The following YLPM1 variants were observed in gnomAD, a reference collection of about 807,000 sequenced individuals.
The protein encoded by YLPM1 is YLP motif-containing protein 1.
In YLPM1, 99 loss-of-function variants were observed where a neutral mutation model predicts 230.0. The ratio of observed to expected loss-of-function variants is 0.43; its 90% CI spans 0.37 to 0.51. The LOEUF (loss-of-function observed/expected upper bound fraction) is 0.51. Ranked by LOEUF, YLPM1 falls within the 20% of genes least tolerant of loss-of-function variation. The pLI, the probability that YLPM1 is intolerant of heterozygous loss-of-function variation, is 0.00. For synonymous variants in YLPM1, 984 were observed against 942.5 expected, an observed-to-expected ratio of 1.04 and a Z score of -0.81; for missense variants, 2,592 against 2,707.7, an observed-to-expected ratio of 0.96 and a Z score of 0.95.
chr14:74,786,273 A>G (rs879696785), intron 4 of YLPM1, among the ~76,000 whole-genome samples: 13 of 150,816 alleles, frequency 8.6e-5, no homozygotes, highest in Non-Finnish European at 1.6e-4. Context: ...GAGGCAGGAG[A>G]ATTGCTTGAA....
In YLPM1 at chr14:74,763,393, C is replaced by G; in HGVS notation, c.-97C>G. The G allele has an allele frequency of 5.1e-6, 7 of 1,367,152 alleles. No individual in the cohort carries two copies. The highest frequency in any genetic ancestry group is 5.7e-6 in the Non-Finnish European group (6 of 1,050,914). 84.7% of individuals were successfully genotyped at this position (1,367,152 alleles called of 1,614,324 possible). On this transcript the variant is annotated 5_prime_UTR_variant, in exon 1 of 21. Coordinates refer to ENST00000325680, the MANE Select transcript of YLPM1 (RefSeq NM_019589.3). The stretch of plus-strand genomic sequence containing the variant: ...TTACACGCTCCGGGGCCTGTAGGCG[C>G]CGCGAGTTCCGGCTGTCGCCGTCGC...
rs753359815 is a variant in YLPM1, at chr14:74,802,637, A to G, written c.4482A>G (p.Ser1494=). 5.6e-6 allele frequency: 9 copies of G among 1,613,270 alleles called. No homozygotes were observed. Among genetic ancestry groups the G allele is most frequent in the South Asian group, 1.1e-5 (1 of 90,916 alleles). The part of the protein sequence containing the change: ...QMADHLPPQE[S]RLQNTSSRPG... Reference sequence around the variant, plus strand: ...CTGACCATCTACCACCTCAGGAATCAAGATTGCAGAATACATCTTCAAGAC... The same window carrying G: ...CTGACCATCTACCACCTCAGGAATCGAGATTGCAGAATACATCTTCAAGAC... The change falls in exon 6 of 21, where the codon TCA becomes TCG. Residue 1494 remains serine, a synonymous_variant. Transcript: ENST00000325680.
At chr14:74,809,253 C>T (rs906535953) in intron 6 of YLPM1, 127 bp from the exon 7 acceptor site, 30 of 1,301,082 alleles carry the variant, frequency 2.3e-5, no homozygotes, top group African/African-American at 7.7e-5. Context: ...TTTTGAAGCA[C>T]GAAATTTTGA....
Position 74,763,352 on chromosome 14 carries a change from C to T in YLPM1, c.-138C>T, listed in dbSNP as rs951679267. The T allele has an allele frequency of 4.6e-6, 5 of 1,095,352 alleles. No individual in the cohort carries two copies. The highest frequency in any genetic ancestry group is 4.1e-5 in the Admixed American group (1 of 24,106). The allele number at this position is 1,095,352 out of a possible 1,614,324, so 67.9% of individuals were successfully genotyped here. A position where few individuals can be genotyped will look rare whatever the true frequency, so the allele number is the denominator to read the frequency against. On this transcript the variant is annotated 5_prime_UTR_variant, in exon 1 of 21. Coordinates refer to ENST00000325680, the MANE Select transcript of YLPM1 (RefSeq NM_019589.3). ...CGGGCCCAGCTCGGGAGCGCCGGCG[C>T]ACTGGCGCGCTCCGTTTACACGCTC...
At chr14:74,786,742 C>T (rs1366707080) in intron 4 of YLPM1, among the ~76,000 whole-genome samples, 1 of 152,046 alleles carries the variant, frequency 6.6e-6, no homozygotes, top group Admixed American at 6.6e-5. Context: ...TGCTGTGTGT[C>T]TTTTGATGCT....
chr14:74,825,544 A>G (rs2091554964), intron 18 of YLPM1, among the ~76,000 whole-genome samples: 1 of 152,178 alleles, frequency 6.6e-6, no homozygotes, highest in Non-Finnish European at 1.5e-5. Context: ...ATGCAATTAA[A>G]TATGTAGGAA....
At chr14:74,785,134 T>C (rs566492838) in intron 4 of YLPM1, among the ~76,000 whole-genome samples, 47 of 152,344 alleles carry the variant, frequency 3.1e-4, no homozygotes, top group Admixed American at 5.9e-4. Context: ...GTCTCTCTTA[T>C]CCTGAACTTG....
At chr14:74,792,087 G>A (rs781354620) in intron 4 of YLPM1, among the ~76,000 whole-genome samples, 7 of 151,954 alleles carry the variant, frequency 4.6e-5, no homozygotes, top group African/African-American at 4.8e-5. Flanking sequence ...GTGTAATTCC[G>A]AGAAAGGAAC....
At chr14:74,769,934 G>A (rs2090960165) in intron 1 of YLPM1, among the ~76,000 whole-genome samples, 1 of 142,628 alleles carries the variant, frequency 7.0e-6, no homozygotes, top group African/African-American at 2.6e-5. Flanking sequence ...TGTAATCCCA[G>A]CACTTTGGGA....
rs780758627 is a variant in YLPM1 at position 74,829,270 on chromosome 14, CCAG to C, written c.6225_6227del (p.Ser2075del). 2 of 1,613,222 alleles carry C rather than the reference CCAG, an allele frequency of 1.2e-6. No homozygotes were observed. Among genetic ancestry groups the C allele is most frequent in the Non-Finnish European group, 1.7e-6 (2 of 1,179,412 alleles). On this transcript the variant is annotated inframe_deletion, in exon 19 of 21. Transcript: ENST00000325680. Reference sequence around the variant, plus strand: ...AGGAAACGTGACTGGGAGGCCATTGCCAGCAGAATGGAGGATTATCTTCAGCTC... The same window carrying C: ...AGGAAACGTGACTGGGAGGCCATTGCCAGAATGGAGGATTATCTTCAGCTC...
rs558896356 is a variant in YLPM1, at chr14:74,832,982, T to C, written c.6295-2283T>C. Among the ~76,000 whole-genome samples, 118 of 151,590 alleles carry C rather than the reference T, an allele frequency of 7.8e-4. 3 individuals are homozygous for C. The South Asian group carries it at 0.023, about 30-fold the overall frequency. On this transcript the variant is annotated intron_variant, in intron 19 of 20. Coordinates refer to ENST00000325680, the MANE Select transcript of YLPM1 (RefSeq NM_019589.3). The stretch of plus-strand genomic sequence containing the variant: ...TTGATAAGTATATTTAACTATGTGC[T>C]GAGGATGCCGTGGGAATGGATTTAA...
In YLPM1 at chr14:74,763,801, G is replaced by A; in HGVS notation, c.312G>A (p.Pro104=). The A allele has an allele frequency of 6.7e-7, 1 of 1,499,542 alleles. No individual in the cohort carries two copies. The highest frequency in any genetic ancestry group is 1.4e-5 in the South Asian group (1 of 73,288). 92.9% of individuals were successfully genotyped at this position (1,499,542 alleles called of 1,614,324 possible). A position where few individuals can be genotyped will look rare whatever the true frequency, so the allele number is the denominator to read the frequency against. ...GCTACGGAGACTGGCAGCCGCCACC[G>A]CCACCGATGCCCCCGCCACCCGGGC... ...GGGYGDWQPP[P]PPMPPPPGPA... Residue 104 remains proline, a synonymous_variant, in exon 1 of 21, where the codon CCG becomes CCA. Coordinates refer to ENST00000325680, the MANE Select transcript of YLPM1 (RefSeq NM_019589.3).
intron 4 of YLPM1, among the ~76,000 whole-genome samples, chr14:74,795,097 A>G (rs1313553763): frequency 1.3e-5 from 2 of 152,194 alleles, no homozygotes; most frequent in East Asian, 3.8e-4. Flanking sequence ...ATACTAAGAG[A>G]TGTCCTAGAG....
chr14:74,799,302 GCCCCTCCCA>G lies in YLPM1; in HGVS notation c.4008_4016del (p.Pro1341_Leu1343del). 6.2e-7 allele frequency: 1 copy of G among 1,613,934 alleles called. No homozygotes were observed. Among genetic ancestry groups the G allele is most frequent in the Non-Finnish European group, 8.5e-7 (1 of 1,179,860 alleles). ...ATATTCCATCTCTTCCACCTTTACCGCCCCTCCCACCTCTTCCACCTTTGGATAGATATC... is the reference window on the plus strand; with the variant it reads ...ATATTCCATCTCTTCCACCTTTACCGCCTCTTCCACCTTTGGATAGATATC... On this transcript the variant is annotated inframe_deletion, in exon 5 of 21. Coordinates refer to ENST00000325680, the MANE Select transcript of YLPM1 (RefSeq NM_019589.3).
chr14:74,815,960 G>A (rs1276012147), intron 11 of YLPM1, among the ~76,000 whole-genome samples: 1 of 151,720 alleles, frequency 6.6e-6, no homozygotes, highest in Non-Finnish European at 1.5e-5. Context: ...GGAGTATGTT[G>A]TTTAGTTTTC....
chr14:74,804,275 A>G (rs2091356036), intron 6 of YLPM1, among the ~76,000 whole-genome samples: 2 of 152,196 alleles, frequency 1.3e-5, no homozygotes. Context: ...TTGTGGCCAG[A>G]TGGACATTTT....
chr14:74,824,187 A>C (rs774339387), intron 17 of YLPM1, 69 bp from the exon 18 acceptor site: 4 of 1,475,542 alleles, frequency 2.7e-6, no homozygotes, highest in Non-Finnish European at 3.7e-6. Context: ...ATGCTTTTCC[A>C]GTTCAAACGT....
At position 74,836,181 on chromosome 14, in the gene YLPM1, C is replaced by CTA. The variant is rs1197568609; in HGVS notation, c.*446_*447dup. ...TGATAAAGCCGATGAGATTCATGGG[C>CTA]TATACAGCATGGGCCCTTTTCTCTT... On this transcript the variant is annotated 3_prime_UTR_variant, in exon 21 of 21. Coordinates refer to ENST00000325680, the MANE Select transcript of YLPM1 (RefSeq NM_019589.3). The CTA allele has an allele frequency of 1.7e-5, 3 of 181,434 alleles. No individual in the cohort carries two copies. Among genetic ancestry groups the CTA allele is most frequent in the African/African-American group, 7.2e-5 (3 of 41,620 alleles). 11.2% of individuals were successfully genotyped at this position (181,434 alleles called of 1,614,324 possible).
chr14:74,815,788 G>A (rs771076577), intron 11 of YLPM1, among the ~76,000 whole-genome samples: 11 of 151,950 alleles, frequency 7.2e-5, no homozygotes, highest in Non-Finnish European at 1.3e-4. Context: ...GGCATTTATA[G>A]CTATCAATTT....
Sources: gnomAD v4.1 joint callset for allele counts (sites outside exome capture counted in the v4.1 genomes callset) on GRCh38, gnomAD v4.1.1 for gene constraint, MANE v1.5 for transcripts, NCBI Gene and HGNC (gene_info 2026-07-23, HGNC 2026-07-21) for gene names.